CREB5: variants seen among roughly 807,000 people sequenced by gnomAD.
CREB5 encodes cyclic AMP-responsive element-binding protein 5.
In CREB5, 19 loss-of-function variants were observed where a neutral mutation model predicts 57.1. The observed-to-expected ratio is 0.33, with a 90% CI of 0.23 to 0.49. The LOEUF (loss-of-function observed/expected upper bound fraction) is 0.49. Ranked by LOEUF, CREB5 falls within the 20% of genes least tolerant of loss-of-function variation. CREB5 has a pLI of 0.99. For missense variants in CREB5, 579 were observed against 671.6 expected, an observed-to-expected ratio of 0.86 and a Z score of 1.52; for synonymous variants, 238 against 238.3, an observed-to-expected ratio of 1.00 and a Z score of 0.01.
intron 5 of CREB5, among the ~76,000 whole-genome samples, chr7:28,590,791 T>A (rs1016076939): frequency 6.6e-6 from 1 of 152,076 alleles, no homozygotes; most frequent in African/African-American, 2.4e-5. Context: ...TCTTCCCTAA[T>A]GTGTTAAAAT....
chr7:28,584,515 T>G lies in CREB5; in HGVS notation c.464+13978T>G, dbSNP rs183037903. ...GGCGTATATTGGAGGGACAGAGCTG[T>G]AAGCCAAGGAACGCCAGGGATTGCC... On this transcript the variant is annotated intron_variant, in intron 5 of 10. Coordinates refer to ENST00000357727, the MANE Select transcript of CREB5 (RefSeq NM_182898.4). 2.0e-4 allele frequency among the ~76,000 whole-genome samples: 30 copies of G among 152,262 alleles called. 1 individual carries two copies. The highest frequency in any genetic ancestry group is 7.2e-4 in the African/African-American group (30 of 41,552).
intron 5 of CREB5, among the ~76,000 whole-genome samples, chr7:28,667,798 T>C (rs748397061): frequency 1.4e-4 from 22 of 152,222 alleles, no homozygotes; most frequent in Non-Finnish European, 2.1e-4. Flanking sequence ...ACCTGTTTAA[T>C]GGACTCGAAA....
intron 4 of CREB5, among the ~76,000 whole-genome samples, chr7:28,551,246 A>G (rs1459955329): frequency 6.6e-6 from 1 of 152,206 alleles, no homozygotes; most frequent in Non-Finnish European, 1.5e-5. Context: ...TGTGTATAGA[A>G]AAACATTTTC....
chr7:28,691,409 G>C lies in CREB5; in HGVS notation c.465-27344G>C, dbSNP rs111901249. On this transcript the variant is annotated intron_variant, in intron 5 of 10. Coordinates refer to ENST00000357727, the MANE Select transcript of CREB5 (RefSeq NM_182898.4). ...CACTCCAGCCTGGGTGACAGAGCAA[G>C]ACTCTGTCTCCAAAAAAAAAAAAAA... 3.9e-4 allele frequency among the ~76,000 whole-genome samples: 45 copies of C among 114,756 alleles called. 1 individual carries two copies. The highest frequency in any genetic ancestry group is 1.5e-3 in the African/African-American group (43 of 28,460). 75.3% of individuals were successfully genotyped at this position (114,756 alleles called of 152,430 possible). A position where few individuals can be genotyped will look rare whatever the true frequency, so the allele number is the denominator to read the frequency against.
intron 5 of CREB5, among the ~76,000 whole-genome samples, chr7:28,620,272 G>C (rs1387532756): frequency 6.6e-6 from 1 of 152,130 alleles, no homozygotes; most frequent in Non-Finnish European, 1.5e-5. Flanking sequence ...GTCTCACTAT[G>C]TTACCCAGGC....
chr7:28,416,876 C>G (rs1019223379), intron 1 of CREB5, among the ~76,000 whole-genome samples: 9 of 152,178 alleles, frequency 5.9e-5, no homozygotes, highest in African/African-American at 2.2e-4. Context: ...TAACAAGTCA[C>G]AAATGTGTAC....
At chr7:28,816,126 GT>G (rs1288628274) in intron 9 of CREB5, among the ~76,000 whole-genome samples, 49 of 149,728 alleles carry the variant, frequency 3.3e-4, no homozygotes, top group Admixed American at 1.3e-4. Context: ...TTGTTTGGTT[GT>G]TTTTTTTTAA....
At chr7:28,563,172 T>C (rs1795345207) in intron 4 of CREB5, among the ~76,000 whole-genome samples, 1 of 152,210 alleles carries the variant, frequency 6.6e-6, no homozygotes, top group African/African-American at 2.4e-5. Flanking sequence ...TTAATATTAC[T>C]AATATTAATA....
chr7:28,358,550 T>C (rs759171112), intron 1 of CREB5, among the ~76,000 whole-genome samples: 1 of 152,260 alleles, frequency 6.6e-6, no homozygotes, highest in Non-Finnish European at 1.5e-5. Flanking sequence ...TTTTAGACTT[T>C]GCCTTGATTG....
In CREB5 at chr7:28,353,891, G is replaced by A. The variant is rs149755093; in HGVS notation, c.-25+54450G>A. Reference sequence around the variant, plus strand: ...GGGTGCAGTAGGAAAACTGAAAGTAGCTCAGATAAGCAAGGTGTCAAGCAC... The same window carrying A: ...GGGTGCAGTAGGAAAACTGAAAGTAACTCAGATAAGCAAGGTGTCAAGCAC... On this transcript the variant is annotated intron_variant, in intron 1 of 9. Coordinates refer to the CREB5 transcript ENST00000396299. Among the ~76,000 whole-genome samples, 7 of 151,658 alleles carry A rather than the reference G, an allele frequency of 4.6e-5. No individual in the cohort carries two copies. In the East Asian group the frequency reaches 1.4e-3, roughly 29 times the overall value.
At chr7:28,302,513 A>G (rs1476104990) in intron 1 of CREB5, among the ~76,000 whole-genome samples, 1 of 152,180 alleles carries the variant, frequency 6.6e-6, no homozygotes, top group Non-Finnish European at 1.5e-5. Context: ...TAGGATTTAG[A>G]GCTGGAGGAG....
intron 4 of CREB5, among the ~76,000 whole-genome samples, chr7:28,567,363 C>T (rs910718770): frequency 1.3e-5 from 2 of 152,140 alleles, no homozygotes; most frequent in Admixed American, 6.5e-5. Flanking sequence ...TTAGCACTCT[C>T]GAAAATTGAC....
intron 1 of CREB5, among the ~76,000 whole-genome samples, chr7:28,453,961 T>TTTTTTTTTTA (rs1789966796): frequency 6.9e-6 from 1 of 144,318 alleles, no homozygotes; most frequent in Non-Finnish European, 1.5e-5. Context: ...TCCAATTCTT[T>TTTTTTTTTTA]TTTTTTTTTT....
chr7:28,733,704 A>G (rs1803799800), intron 7 of CREB5, among the ~76,000 whole-genome samples: 2 of 152,256 alleles, frequency 1.3e-5, no homozygotes, highest in South Asian at 4.1e-4. Flanking sequence ...CCAGCCTGCA[A>G]GCTCCATGAG....
chr7:28,711,953 A>G (rs1334769228), intron 5 of CREB5, among the ~76,000 whole-genome samples: 1 of 152,206 alleles, frequency 6.6e-6, no homozygotes, highest in Non-Finnish European at 1.5e-5. Flanking sequence ...AAAATAACCC[A>G]TTTAGTATAT....
intron 5 of CREB5, among the ~76,000 whole-genome samples, chr7:28,714,707 T>G (rs558245385): frequency 1.3e-5 from 2 of 152,340 alleles, no homozygotes; most frequent in East Asian, 3.9e-4. Flanking sequence ...TTACATAGAT[T>G]TCAACTGTAA....
chr7:28,327,400 C>G (rs1468565552), intron 1 of CREB5, among the ~76,000 whole-genome samples: 1 of 152,106 alleles, frequency 6.6e-6, no homozygotes, highest in African/African-American at 2.4e-5. Flanking sequence ...ATGGGCTGCT[C>G]TAAAGGAAAT....
At chr7:28,560,805 T>TGCGC (rs67632538) in intron 4 of CREB5, among the ~76,000 whole-genome samples, 14 of 54,834 alleles carry the variant, frequency 2.6e-4, no homozygotes, top group Non-Finnish European at 3.8e-4. Flanking sequence ...ACAGTGTGTG[T>TGCGC]GCGCGTGTGT....
intron 8 of CREB5, among the ~76,000 whole-genome samples, chr7:28,807,086 G>GTTAAT (rs1320339691): frequency 6.6e-6 from 1 of 152,196 alleles, no homozygotes; most frequent in Non-Finnish European, 1.5e-5. Context: ...ACCTTAGACA[G>GTTAAT]TTAATTTATT....
Sources: allele counts gnomAD v4.1 joint callset (sites outside exome capture counted in the v4.1 genomes callset), GRCh38; gene constraint gnomAD v4.1.1; transcripts MANE v1.5; gene names NCBI Gene and HGNC (gene_info 2026-07-23, HGNC 2026-07-21).